Variants in PRKAG2 observed in about 807,000 individuals in gnomAD.
PRKAG2 encodes the protein 5'-AMP-activated protein kinase subunit gamma-2.
A neutral mutation model predicts 69.6 loss-of-function variants in PRKAG2; 26 were observed. The ratio of observed to expected loss-of-function variants is 0.37; its 90% CI spans 0.27 to 0.52. PRKAG2 has a LOEUF of 0.52. Among genes scored for constraint, PRKAG2 ranks in the 20% least tolerant of loss-of-function variants. The pLI, the probability that PRKAG2 is intolerant of heterozygous loss-of-function variation, is 0.90. For missense variants in PRKAG2, 557 were observed against 740.0 expected, an observed-to-expected ratio of 0.75 and a Z score of 2.87; for synonymous variants, 293 against 285.0, an observed-to-expected ratio of 1.03 and a Z score of -0.28.
intron 3 of PRKAG2, among the ~76,000 whole-genome samples, chr7:151,682,398 A>G (rs1338423518): frequency 1.3e-5 from 2 of 151,678 alleles, no homozygotes; most frequent in African/African-American, 4.8e-5. Context: ...ATACCATTAC[A>G]CCAGCTAATT....
chr7:151,778,519 C>T (rs1009347021), intron 3 of PRKAG2, among the ~76,000 whole-genome samples: 1 of 152,176 alleles, frequency 6.6e-6, no homozygotes, highest in African/African-American at 2.4e-5. Flanking sequence ...CATCCTGGAC[C>T]TCCACACTCA....
intron 5 of PRKAG2, among the ~76,000 whole-genome samples, chr7:151,624,510 A>T (rs1822378851): frequency 6.6e-6 from 1 of 152,150 alleles, no homozygotes. Context: ...TTCCCAGACT[A>T]GTTCCCTTCC....
intron 3 of PRKAG2, among the ~76,000 whole-genome samples, chr7:151,776,612 C>T (rs2151793431): frequency 6.6e-6 from 1 of 152,316 alleles, no homozygotes; most frequent in East Asian, 1.9e-4. Context: ...GCCCCAGGTC[C>T]CGCTCCCTTC....
chr7:151,627,282 C>T (rs932683934), intron 5 of PRKAG2, among the ~76,000 whole-genome samples: 10 of 152,160 alleles, frequency 6.6e-5, no homozygotes, highest in Non-Finnish European at 1.0e-4. Context: ...GTGGCCCCTA[C>T]TTTTACCTAT....
intron 3 of PRKAG2, among the ~76,000 whole-genome samples, chr7:151,685,645 C>T (rs1185451512): frequency 3.3e-5 from 5 of 151,940 alleles, no homozygotes; most frequent in Admixed American, 3.3e-4. Context: ...GGCCTGTGCC[C>T]TTGGCCCCAG....
At chr7:151,558,200 G>A in intron 15 of PRKAG2, 20 of 985,460 alleles carry the variant, frequency 2.0e-5, no homozygotes, top group Non-Finnish European at 2.4e-5. Flanking sequence ...TTGAGAAAGA[G>A]AAAGTGTTAT....
intron 1 of PRKAG2, among the ~76,000 whole-genome samples, chr7:151,815,304 T>A (rs986656513): frequency 6.6e-5 from 10 of 152,200 alleles, no homozygotes; most frequent in Admixed American, 1.3e-4. Context: ...GGGGCCTTGC[T>A]GATCCTGGAG....
At chr7:151,682,996 G>T (rs528521391) in intron 3 of PRKAG2, among the ~76,000 whole-genome samples, 1 of 152,350 alleles carries the variant, frequency 6.6e-6, no homozygotes, top group East Asian at 1.9e-4. Context: ...CCCCCTTTCT[G>T]TTCCTTCTGA....
chr7:151,577,506 G>T (rs1410126167), intron 6 of PRKAG2, among the ~76,000 whole-genome samples: 2 of 152,160 alleles, frequency 1.3e-5, no homozygotes, highest in African/African-American at 2.4e-5. Flanking sequence ...TTTTAAAGTT[G>T]CAGCTCCTAA....
intron 1 of PRKAG2, among the ~76,000 whole-genome samples, chr7:151,818,584 C>T (rs1393873375): frequency 6.6e-6 from 1 of 152,230 alleles, no homozygotes; most frequent in Non-Finnish European, 1.5e-5. Context: ...TGGGCAGAGA[C>T]GCTGACCAAT....
chr7:151,778,934 T>C (rs1295133693), intron 3 of PRKAG2, among the ~76,000 whole-genome samples: 2 of 151,554 alleles, frequency 1.3e-5, no homozygotes, highest in Non-Finnish European at 2.9e-5. Flanking sequence ...TATATGCACA[T>C]ACATACACAC....
rs191500116 is a variant in PRKAG2, at chr7:151,850,955, C to T, written c.114+25552G>A. Among the ~76,000 whole-genome samples, 202 of 152,290 alleles carry T rather than the reference C, an allele frequency of 1.3e-3. 2 individuals are homozygous for T. Among genetic ancestry groups the T allele is most frequent in the Non-Finnish European group, 1.2e-3 (81 of 68,042 alleles). On this transcript the variant is annotated intron_variant, in intron 1 of 15. Coordinates refer to ENST00000287878, the MANE Select transcript of PRKAG2 (RefSeq NM_016203.4). This position sits in a 1 kb window ranked among gnomAD's most constrained non-coding sequence, Gnocchi z 4.1. Reference sequence around the variant, plus strand: ...AGTCACTTGAGCTCCAAGGCACGGCCCACAGGGGTACCCCTGCTCCCCAAC... The same window carrying T: ...AGTCACTTGAGCTCCAAGGCACGGCTCACAGGGGTACCCCTGCTCCCCAAC...
At chr7:151,662,049 C>A (rs971323771) in intron 4 of PRKAG2, among the ~76,000 whole-genome samples, 1 of 152,130 alleles carries the variant, frequency 6.6e-6, no homozygotes, top group African/African-American at 2.4e-5. Flanking sequence ...TAATGTTCAG[C>A]CCCCCAAATG....
At chr7:151,557,359 T>C (rs764801) in intron 15 of PRKAG2, 127 bp from the exon 16 acceptor site, 1,011,906 of 1,601,130 alleles carry the variant, frequency 0.63, 326,516 homozygotes, top group East Asian at 0.72. Flanking sequence ...AGGAGGGCGA[T>C]GTGGGAAGGA....
intron 3 of PRKAG2, among the ~76,000 whole-genome samples, chr7:151,766,285 A>G (rs775823756): frequency 3.3e-5 from 5 of 152,156 alleles, no homozygotes; most frequent in East Asian, 3.9e-4. Context: ...ATCAAAATCT[A>G]TTTCCTTTAA....
At chr7:151,565,989 GTTT>G in intron 11 of PRKAG2, 104 bp from the exon 12 acceptor site, 2 of 1,349,998 alleles carry the variant, frequency 1.5e-6, no homozygotes, top group Non-Finnish European at 2.1e-6. Context: ...ATTAAAGTTA[GTTT>G]TTTCTAACAG....
Position 151,777,076 on chromosome 7 carries a change from C to A in PRKAG2, c.466+4076G>T. Among the ~76,000 whole-genome samples, 1 of 152,210 alleles carries A rather than the reference C, an allele frequency of 6.6e-6. No individual in the cohort carries two copies. Among genetic ancestry groups the A allele is most frequent in the East Asian group, 1.9e-4 (1 of 5,184 alleles). On this transcript the variant is annotated intron_variant, in intron 3 of 15. Transcript: ENST00000287878. The surrounding 1 kb of genome is among the most constrained non-coding windows in gnomAD (Gnocchi z 4.3). ...TTGGGGGACTCACTCTCTGACTCCACCTGCCTGTCTCGGCCCCTGGCTTTA... is the reference window on the plus strand; with the variant it reads ...TTGGGGGACTCACTCTCTGACTCCAACTGCCTGTCTCGGCCCCTGGCTTTA...
intron 1 of PRKAG2, among the ~76,000 whole-genome samples, chr7:151,808,732 C>G (rs2078253485): frequency 6.6e-6 from 1 of 152,088 alleles, no homozygotes; most frequent in Non-Finnish European, 1.5e-5. Context: ...CAGAAAGCCC[C>G]TCCCTCCCAA....
chr7:151,747,920 T>C (rs1258240313), intron 3 of PRKAG2, among the ~76,000 whole-genome samples: 25 of 87,944 alleles, frequency 2.8e-4, no homozygotes, highest in African/African-American at 1.3e-3. Context: ...AAAACTTACT[T>C]TTTTTTTTTT....
Sources: allele counts gnomAD v4.1 joint callset (sites outside exome capture counted in the v4.1 genomes callset), GRCh38; gene constraint gnomAD v4.1.1; non-coding constraint Gnocchi (gnomAD v3.1); transcripts MANE v1.5; gene names NCBI Gene and HGNC (gene_info 2026-07-23, HGNC 2026-07-21).